MORC3: variants seen among roughly 807,000 people sequenced by gnomAD.
MORC3 encodes the protein MORC family CW-type zinc finger 3.
Under a neutral mutation model 109.1 loss-of-function variants are expected in MORC3, and 31 were observed. The observed-to-expected ratio is 0.28, with a 90% CI of 0.21 to 0.38. MORC3 has a LOEUF of 0.38. MORC3 is among the 10% of genes least tolerant of loss of function. The pLI, the probability that MORC3 is intolerant of heterozygous loss-of-function variation, is 1.00. For missense variants in MORC3, 867 were observed against 1,135.8 expected (o/e 0.76, Z 3.40); for synonymous variants, 395 against 380.7 (o/e 1.04, Z -0.44).
At position 36,361,991 on chromosome 21, in the gene MORC3, A is replaced by G. The variant is rs866739138; in HGVS notation, c.1407-192A>G. The stretch of plus-strand genomic sequence containing the variant: ...AGATCTGCAGTTTATACCGGTGAGG[A>G]TGGAAAAATTCAGGCTAAAATTAGG... On this transcript the variant is annotated intron_variant, in intron 12 of 16. Transcript: ENST00000400485. The G allele has an allele frequency of 4.6e-6, 3 of 653,512 alleles. No homozygotes were observed. In the East Asian group the frequency reaches 8.4e-5, roughly 18 times the overall value. 40.5% of individuals were successfully genotyped at this position (653,512 alleles called of 1,614,324 possible).
chr21:36,369,655 T>C lies in MORC3; in HGVS notation c.2287T>C (p.Ser763Pro). The change falls in exon 15 of 17, where the codon TCT becomes CCT. Residue 763 changes from serine to proline, a missense_variant. Ser to Pro is a moderately conservative substitution (Grantham distance 74, BLOSUM62 -1). Coordinates refer to ENST00000400485, the MANE Select transcript of MORC3 (RefSeq NM_015358.3). ...TTTACTTGAAAGTATTAATGGCAAA[T>C]CTGAAAGTCCAGACCATATGGTATC... ...VFLLESINGK[S>P]ESPDHMVSQY... 6.2e-7 allele frequency: 1 copy of C among 1,614,038 alleles called. No homozygotes were observed. Among genetic ancestry groups the C allele is most frequent in the East Asian group, 2.2e-5 (1 of 44,886 alleles).
At chr21:36,320,365 G>A (rs2085176546) in intron 1 of MORC3, 62 bp downstream of exon 1, 2 of 1,319,210 alleles carry the variant, frequency 1.5e-6, no homozygotes, top group African/African-American at 1.5e-5. Flanking sequence ...CAAGCGAAGG[G>A]GGGCCGGCAG....
At position 36,320,443 on chromosome 21, in the gene MORC3, C is replaced by T. The variant is rs935024016; in HGVS notation, c.39+140C>T. ...GCGGCGGGGCCCGGGGAGGGGGCGG[C>T]CATCTCGCTCCCGTCGGCGGAACAG... On this transcript the variant is annotated intron_variant, in intron 1 of 16. Transcript: ENST00000400485. 2.5e-5 allele frequency: 19 copies of T among 766,116 alleles called. No individual in the cohort carries two copies. The African/African-American group carries it at 3.3e-4, about 13-fold the overall frequency. The allele number at this position is 766,116 out of a possible 1,614,324, so 47.5% of individuals were successfully genotyped here.
rs941677069 is a variant in MORC3, at chr21:36,364,048, C to G, written c.1453-45C>G. The G allele has an allele frequency of 7.0e-6, 11 of 1,580,062 alleles. No homozygotes were observed. The African/African-American group carries it at 1.4e-4, about 20-fold the overall frequency. ...TATATCTTGTGTTTTGGGCATGTCA[C>G]ACTAGAAATAGTTCCTTTAAGGTGA... is the stretch of plus-strand genomic sequence containing the variant. On this transcript the variant is annotated intron_variant, in intron 13 of 16. Transcript: ENST00000400485.
At chr21:36,368,116 A>C (rs530555376) in intron 14 of MORC3, among the ~76,000 whole-genome samples, 1 of 152,322 alleles carries the variant, frequency 6.6e-6, no homozygotes, top group East Asian at 1.9e-4. Context: ...CCAAGTGTGG[A>C]AAAAGGCAAT....
At chr21:36,333,489 T>C in intron 1 of MORC3, 157 bp from the exon 2 acceptor site, 1 of 618,168 alleles carries the variant, frequency 1.6e-6, no homozygotes, top group Non-Finnish European at 2.8e-6. Flanking sequence ...CCAAGAATCG[T>C]ATATTCTAGA....
intron 14 of MORC3, 61 bp from the exon 15 acceptor site, chr21:36,368,927 A>G: frequency 7.2e-7 from 1 of 1,391,074 alleles, no homozygotes; most frequent in South Asian, 1.5e-5. Flanking sequence ...TGATTACTTC[A>G]AGGTCATCTA....
chr21:36,365,051 C>CAAAAAAAAAA (rs72445251), intron 14 of MORC3, among the ~76,000 whole-genome samples: 2 of 94,392 alleles, frequency 2.1e-5, no homozygotes, highest in African/African-American at 4.2e-5. Context: ...GACTCCATCT[C>CAAAAAAAAAA]AAAAAAAAAA....
At chr21:36,354,910 A>G (rs921868611) in intron 9 of MORC3, among the ~76,000 whole-genome samples, 6 of 152,088 alleles carry the variant, frequency 3.9e-5, no homozygotes, top group African/African-American at 1.4e-4. Flanking sequence ...CATATCTTGA[A>G]ACTTTTTGCC....
Position 36,344,593 on chromosome 21 carries a change from A to G in MORC3, c.771A>G (p.Ile257Met). Residue 257 changes from isoleucine (I) to methionine (M), a missense_variant, in exon 7 of 17, where the codon ATA becomes ATG. Ile to Met is a conservative substitution (Grantham distance 10, BLOSUM62 1). Coordinates refer to ENST00000400485, the MANE Select transcript of MORC3 (RefSeq NM_015358.3). Reference protein sequence around the residue: ...SDYSLRAYCSILYLKPRMQII... With the variant: ...SDYSLRAYCSMLYLKPRMQII... ...TTATTTTCCAGGCTTATTGCAGTAT[A>G]TTATATCTAAAGCCAAGAATGCAGA... The G allele has an allele frequency of 6.2e-7, 1 of 1,613,822 alleles. No individual in the cohort carries two copies. The highest frequency in any genetic ancestry group is 8.5e-7 in the Non-Finnish European group (1 of 1,179,932).
chr21:36,342,143 G>C (rs1054054866), intron 6 of MORC3, among the ~76,000 whole-genome samples: 5 of 152,006 alleles, frequency 3.3e-5, no homozygotes, highest in Non-Finnish European at 7.4e-5. Flanking sequence ...CAGGAGAGTC[G>C]CTTGAACCTG....
At chr21:36,334,375 T>C (rs967157630) in intron 2 of MORC3, among the ~76,000 whole-genome samples, 10 of 152,248 alleles carry the variant, frequency 6.6e-5, no homozygotes, top group South Asian at 4.1e-4. Flanking sequence ...TATTTCATAG[T>C]GTTTAGGATT....
chr21:36,325,135 T>G (rs1213535773), intron 1 of MORC3, among the ~76,000 whole-genome samples: 1 of 152,144 alleles, frequency 6.6e-6, no homozygotes, highest in Non-Finnish European at 1.5e-5. Context: ...TTGTTGGGGG[T>G]GCTCTATGTT....
intron 1 of MORC3, among the ~76,000 whole-genome samples, chr21:36,326,764 T>C (rs909678893): frequency 6.6e-6 from 1 of 152,170 alleles, no homozygotes; most frequent in Admixed American, 6.5e-5. Flanking sequence ...TTTCCTTGTT[T>C]GCTTAAGGTG....
chr21:36,355,831 C>CT (rs2085638954), intron 9 of MORC3, among the ~76,000 whole-genome samples: 1 of 152,046 alleles, frequency 6.6e-6, no homozygotes, highest in African/African-American at 2.4e-5. Context: ...TGGCAAGTGC[C>CT]TGTGGCCCCA....
At position 36,338,860 on chromosome 21, in the gene MORC3, G is replaced by C; in HGVS notation, c.547G>C (p.Ala183Pro). Residue 183 changes from alanine (A) to proline (P), a missense_variant, in exon 5 of 17, where the codon GCA becomes CCA. Coordinates refer to ENST00000400485, the MANE Select transcript of MORC3 (RefSeq NM_015358.3). Reference sequence around the variant, plus strand: ...GTTTTCCACGGAACAGAAGTTACTGGCAGAACTTGATGCTATTATAGGCAA... The same window carrying C: ...GTTTTCCACGGAACAGAAGTTACTGCCAGAACTTGATGCTATTATAGGCAA... Reference protein sequence around the residue: ...SLFSTEQKLLAELDAIIGKKG... With the variant: ...SLFSTEQKLLPELDAIIGKKG... 6.2e-7 allele frequency: 1 copy of C among 1,614,022 alleles called. No homozygotes were observed. Among genetic ancestry groups the C allele is most frequent in the African/African-American group, 1.3e-5 (1 of 75,016 alleles).
intron 15 of MORC3, among the ~76,000 whole-genome samples, chr21:36,372,126 C>T (rs2085876437): frequency 6.6e-6 from 1 of 151,782 alleles, no homozygotes. Flanking sequence ...TTTTCATTTT[C>T]TAGGTACCAC....
At chr21:36,359,790 T>C (rs1275151834) in intron 10 of MORC3, among the ~76,000 whole-genome samples, 165 bp from the exon 11 acceptor site, 1 of 152,090 alleles carries the variant, frequency 6.6e-6, no homozygotes, top group Non-Finnish European at 1.5e-5. Flanking sequence ...CCTGGGATTA[T>C]AGGCATGAGC....
intron 1 of MORC3, among the ~76,000 whole-genome samples, chr21:36,326,819 T>A (rs891809630): frequency 8.7e-5 from 12 of 138,030 alleles, no homozygotes; most frequent in South Asian, 2.2e-4. Flanking sequence ...AATTTAAAGA[T>A]TTTTTTTTTT....
Sources: gnomAD v4.1 joint callset for allele counts (sites outside exome capture counted in the v4.1 genomes callset) on GRCh38, gnomAD v4.1.1 for gene constraint, MANE v1.5 for transcripts, NCBI Gene and HGNC (gene_info 2026-07-23, HGNC 2026-07-21) for gene names.